IL10RA: variants seen among roughly 807,000 people sequenced by gnomAD.
The protein encoded by IL10RA is interleukin-10 receptor subunit alpha.
Under a neutral mutation model 29.6 loss-of-function variants are expected in IL10RA, and 18 were observed. That is an observed-to-expected ratio of 0.61 (90% CI 0.42 to 0.90). The LOEUF (loss-of-function observed/expected upper bound fraction) is 0.90. IL10RA is among the 40% of genes least tolerant of loss of function. The pLI is 0.00. For missense variants in IL10RA, 634 were observed against 716.6 expected (o/e 0.88, Z 1.32); for synonymous variants, 292 against 294.1 (o/e 0.99, Z 0.07).
chr11:117,993,503 C>T (rs1300150495), intron 4 of IL10RA, 93 bp downstream of exon 4: 4 of 1,153,966 alleles, frequency 3.5e-6, no homozygotes, highest in African/African-American at 3.0e-5. Context: ...GGGAACTTTG[C>T]TTATGGACTA....
Position 117,989,722 on chromosome 11 carries a change from G to A in IL10RA, c.367+102G>A, listed in dbSNP as rs958975394. ...TCTATTACCATAGCTCACCATGTCTGCCAGCCTCCCTGGCCGGAGAACTAG... is the reference window on the plus strand; with the variant it reads ...TCTATTACCATAGCTCACCATGTCTACCAGCCTCCCTGGCCGGAGAACTAG... On this transcript the variant is annotated intron_variant, in intron 3 of 6. Coordinates refer to ENST00000227752, the MANE Select transcript of IL10RA (RefSeq NM_001558.4). This position sits in a 1 kb window ranked among gnomAD's most constrained non-coding sequence, Gnocchi z 4.5. 4.1e-6 allele frequency: 5 copies of A among 1,232,848 alleles called. No individual in the cohort carries two copies. Among genetic ancestry groups the A allele is most frequent in the South Asian group, 3.8e-5 (3 of 78,680 alleles). The allele number at this position is 1,232,848 out of a possible 1,614,324, so 76.4% of individuals were successfully genotyped here.
At position 117,988,500 on chromosome 11, in the gene IL10RA, G is replaced by C; in HGVS notation, c.186G>C (p.Leu62=). The C allele has an allele frequency of 6.2e-7, 1 of 1,614,068 alleles. No individual in the cohort carries two copies. The highest frequency in any genetic ancestry group is 1.1e-5 in the South Asian group (1 of 91,078). The part of the protein sequence containing the change: ...SESTCYEVAL[L]RYGIESWNSI... ...GTACCTGCTATGAAGTGGCGCTCCTGAGGTGAGGAAAAGGGAAGAGGGAGG... is the reference window on the plus strand; with the variant it reads ...GTACCTGCTATGAAGTGGCGCTCCTCAGGTGAGGAAAAGGGAAGAGGGAGG... The change falls in exon 2 of 7, where the codon CTG becomes CTC. Residue 62 remains leucine, a splice_region_variant and synonymous_variant. Coordinates refer to ENST00000227752, the MANE Select transcript of IL10RA (RefSeq NM_001558.4).
intron 1 of IL10RA, 107 bp downstream of exon 1, chr11:117,986,641 C>A: frequency 6.5e-7 from 1 of 1,539,654 alleles, no homozygotes; most frequent in Non-Finnish European, 8.7e-7. Context: ...TCTGGCAGAG[C>A]GGTGCCCGGG....
In IL10RA at chr11:117,999,611, C is replaced by T. The variant is rs2058080759; in HGVS notation, c.1707C>T (p.Pro569=). The T allele has an allele frequency of 1.9e-6, 3 of 1,614,168 alleles. No homozygotes were observed. The highest frequency in any genetic ancestry group is 1.6e-4 in the Middle Eastern group (1 of 6,062). The part of the protein sequence containing the change: ...GSFNSDLVTL[P]LISSLQSSE The stretch of plus-strand genomic sequence containing the variant: ...TTAACTCAGACCTGGTCACCCTGCC[C>T]CTCATCTCTAGCCTGCAGTCAAGTG... The change falls in exon 7 of 7, where the codon CCC becomes CCT. Residue 569 remains proline (P), a synonymous_variant. Coordinates refer to ENST00000227752, the MANE Select transcript of IL10RA (RefSeq NM_001558.4).
At chr11:117,995,869 G>A (rs1291927180) in intron 6 of IL10RA, among the ~76,000 whole-genome samples, 159 bp downstream of exon 6, 1 of 152,134 alleles carries the variant, frequency 6.6e-6, no homozygotes, top group African/African-American at 2.4e-5. Flanking sequence ...AGCGCTGTGG[G>A]GACAGAGGGA....
intron 2 of IL10RA, 120 bp downstream of exon 2, chr11:117,988,622 C>A: frequency 8.7e-7 from 1 of 1,152,388 alleles, no homozygotes; most frequent in Non-Finnish European, 1.3e-6. Context: ...GCCCCTAACA[C>A]ATAGCCAGCA....
intron 1 of IL10RA, chr11:117,987,885 C>T (rs2057996824): frequency 4.7e-6 from 1 of 211,150 alleles, no homozygotes; most frequent in South Asian, 7.5e-5. Context: ...CTTGGGGAGC[C>T]CAGGAGACCT....
intron 5 of IL10RA, chr11:117,995,309 C>A: frequency 2.1e-6 from 1 of 480,416 alleles, no homozygotes. Flanking sequence ...CTGTACCATC[C>A]TGCCTCACTG....
rs1190102801 is a variant in IL10RA at position 117,989,206 on chromosome 11, T to C, written c.189-236T>C. Among the ~76,000 whole-genome samples the C allele has an allele frequency of 2.6e-5, 4 of 152,220 alleles. No homozygotes were observed. Among genetic ancestry groups the C allele is most frequent in the Non-Finnish European group, 4.4e-5 (3 of 68,040 alleles). ...AGCCAGAAAGAATTTCTGGAAGAGC[T>C]GGGCCTACTCGTATTCCTATCTAAA... On this transcript the variant is annotated intron_variant, in intron 2 of 6. Transcript: ENST00000227752. This position sits in a 1 kb window ranked among gnomAD's most constrained non-coding sequence, Gnocchi z 4.5.
At chr11:117,992,017 G>A (rs1167106908) in intron 3 of IL10RA, among the ~76,000 whole-genome samples, 1 of 152,212 alleles carries the variant, frequency 6.6e-6, no homozygotes, top group Non-Finnish European at 1.5e-5. Context: ...TTACAGGCGT[G>A]AGCCACTGGG....
In IL10RA at chr11:117,994,005, C is replaced by T; in HGVS notation, c.544C>T (p.His182Tyr). The T allele has an allele frequency of 2.5e-6, 4 of 1,613,814 alleles. No homozygotes were observed. The highest frequency in any genetic ancestry group is 3.4e-6 in the Non-Finnish European group (4 of 1,179,698). The stretch of plus-strand genomic sequence containing the variant: ...GCTATCATTTTTGTTTCAGTTCACA[C>T]ACAAGAAAGTAAAACATGAAAACTT... ...RKVPGNFTFT[H>Y]KKVKHENFSL... Residue 182 changes from histidine (H) to tyrosine (Y), a missense_variant, in exon 5 of 7, where the codon CAC (histidine) becomes TAC (tyrosine). Coordinates refer to ENST00000227752, the MANE Select transcript of IL10RA (RefSeq NM_001558.4).
Position 117,999,775 on chromosome 11 carries a change from A to G in IL10RA, c.*134A>G. 4 of 809,138 alleles carry G rather than the reference A, an allele frequency of 4.9e-6. No homozygotes were observed. The highest frequency in any genetic ancestry group is 8.3e-6 in the Non-Finnish European group (4 of 481,492). The allele number at this position is 809,138 out of a possible 1,614,324, so 50.1% of individuals were successfully genotyped here. On this transcript the variant is annotated 3_prime_UTR_variant, in exon 7 of 7. Transcript: ENST00000227752. ...CTGCAAGTCCACTGGGGCTGGCCCC[A>G]GCCAGGCCCTGCAGGGCTGGTCAGG...
rs1256749577 is a variant in IL10RA, at chr11:117,999,528, G to C, written c.1624G>C (p.Ala542Pro). 6.2e-7 allele frequency: 1 copy of C among 1,614,064 alleles called. No individual in the cohort carries two copies. The highest frequency in any genetic ancestry group is 8.5e-7 in the Non-Finnish European group (1 of 1,180,040). ...SDLGISDWSF[A>P]HDLAPLGCVA... ...CCTGGGAATATCTGACTGGAGCTTTGCCCATGACCTTGCCCCTCTAGGCTG... is the reference window on the plus strand; with the variant it reads ...CCTGGGAATATCTGACTGGAGCTTTCCCCATGACCTTGCCCCTCTAGGCTG... The change falls in exon 7 of 7, where the codon GCC becomes CCC. Residue 542 changes from alanine (A) to proline (P), a missense_variant. Ala to Pro is a conservative substitution (Grantham distance 27, BLOSUM62 -1). Coordinates refer to ENST00000227752, the MANE Select transcript of IL10RA (RefSeq NM_001558.4).
At chr11:117,994,691 G>A (rs971035054) in intron 5 of IL10RA, among the ~76,000 whole-genome samples, 3 of 152,208 alleles carry the variant, frequency 2.0e-5, no homozygotes, top group Admixed American at 2.0e-4. Flanking sequence ...CTTGCATCCT[G>A]GCTGGGGAGA....
chr11:117,993,168 C>G, intron 3 of IL10RA, 73 bp from the exon 4 acceptor site: 1 of 1,394,636 alleles, frequency 7.2e-7, no homozygotes, highest in Non-Finnish European at 1.0e-6. Flanking sequence ...GAGGCAAAGT[C>G]TCGGCGGGGA....
intron 6 of IL10RA, 72 bp downstream of exon 6, chr11:117,995,782 C>T (rs909552565): frequency 2.6e-6 from 4 of 1,523,610 alleles, no homozygotes; most frequent in Non-Finnish European, 3.6e-6. Flanking sequence ...GCAGGGAGCT[C>T]TTTTCCTCCC....
chr11:118,000,514 G>A lies in IL10RA; in HGVS notation c.*873G>A, dbSNP rs1267063892. 6 of 454,184 alleles carry A rather than the reference G, an allele frequency of 1.3e-5. No homozygotes were observed. The highest frequency in any genetic ancestry group is 2.6e-5 in the Non-Finnish European group (6 of 226,806). 28.1% of individuals were successfully genotyped at this position (454,184 alleles called of 1,614,324 possible). On this transcript the variant is annotated 3_prime_UTR_variant, in exon 7 of 7. Coordinates refer to ENST00000227752, the MANE Select transcript of IL10RA (RefSeq NM_001558.4). The stretch of plus-strand genomic sequence containing the variant: ...ACTCAGCCCTTTGGGCGGCCTCTGG[G>A]CTTGGGCACCAGCTCATGCCAGCCC...
intron 6 of IL10RA, 109 bp from the exon 7 acceptor site, chr11:117,998,606 G>T: frequency 1.2e-6 from 1 of 868,494 alleles, no homozygotes; most frequent in Non-Finnish European, 1.9e-6. Flanking sequence ...AATTTAGACT[G>T]TAGTCTCCTC....
intron 6 of IL10RA, 125 bp from the exon 7 acceptor site, chr11:117,998,590 C>A: frequency 1.3e-6 from 1 of 799,898 alleles, no homozygotes; most frequent in Non-Finnish European, 2.1e-6. Context: ...GAATACATTC[C>A]AGTGTAATTT....
Sources: allele counts gnomAD v4.1 joint callset (sites outside exome capture counted in the v4.1 genomes callset), GRCh38; gene constraint gnomAD v4.1.1; non-coding constraint Gnocchi (gnomAD v3.1); transcripts MANE v1.5; gene names NCBI Gene and HGNC (gene_info 2026-07-23, HGNC 2026-07-21).